The following SLC9A8 variants were observed in gnomAD, a reference collection of about 807,000 sequenced individuals.
The protein encoded by SLC9A8 is sodium/hydrogen exchanger 8.
A neutral mutation model predicts 66.6 loss-of-function variants in SLC9A8; 48 were observed. The observed-to-expected ratio is 0.72, with a 90% CI of 0.57 to 0.92. The LOEUF (loss-of-function observed/expected upper bound fraction) is 0.92. Among genes scored for constraint, SLC9A8 ranks in the 40% least tolerant of loss-of-function variants. The pLI is 0.00. For synonymous variants in SLC9A8, 274 were observed against 282.6 expected, an observed-to-expected ratio of 0.97 and a Z score of 0.31; for missense variants, 599 against 747.3, an observed-to-expected ratio of 0.80 and a Z score of 2.31.
At chr20:49,816,450 T>G (rs572669131) in intron 2 of SLC9A8, among the ~76,000 whole-genome samples, 3 of 151,422 alleles carry the variant, frequency 2.0e-5, no homozygotes, top group Non-Finnish European at 4.4e-5. Context: ...ACCAAAAAAC[T>G]AATTTTGTTC....
chr20:49,866,901 C>T (rs182525834), intron 10 of SLC9A8, among the ~76,000 whole-genome samples: 1 of 152,254 alleles, frequency 6.6e-6, no homozygotes, highest in East Asian at 1.9e-4. Flanking sequence ...TCCTACCCAG[C>T]GTATTTCTCA....
intron 3 of SLC9A8, among the ~76,000 whole-genome samples, chr20:49,826,478 C>T (rs1033591903): frequency 2.6e-5 from 4 of 152,190 alleles, no homozygotes; most frequent in Non-Finnish European, 5.9e-5. Context: ...CGAGACATTA[C>T]TGGTCTTTTG....
At chr20:49,815,885 C>T (rs1403177178) in intron 2 of SLC9A8, among the ~76,000 whole-genome samples, 2 of 152,046 alleles carry the variant, frequency 1.3e-5, no homozygotes, top group Non-Finnish European at 2.9e-5. Context: ...TATCTGACCC[C>T]CTGCTCCTGG....
intron 2 of SLC9A8, among the ~76,000 whole-genome samples, chr20:49,818,499 T>TA (rs1406297759): frequency 6.0e-5 from 9 of 148,904 alleles, no homozygotes; most frequent in African/African-American, 7.4e-5. Context: ...TTTTTTTTTT[T>TA]TTTCCCCCTG....
intron 3 of SLC9A8, among the ~76,000 whole-genome samples, chr20:49,833,294 C>CTAGGTTAAATCTTTAAAAGGTT (rs1479035756): frequency 2.2e-4 from 34 of 152,132 alleles, no homozygotes; most frequent in Non-Finnish European, 2.5e-4. Flanking sequence ...CTTTAAATGG[C>CTAGGTTAAATCTTTAAAAGGTT]AAATCTAGGT....
chr20:49,882,848 C>T (rs2146761261), intron 13 of SLC9A8, among the ~76,000 whole-genome samples: 1 of 152,340 alleles, frequency 6.6e-6, no homozygotes, highest in Admixed American at 6.5e-5. Context: ...CCCTTGTCCT[C>T]ACCATGTCTC....
chr20:49,838,071 CAA>C (rs780484191), intron 3 of SLC9A8, among the ~76,000 whole-genome samples: 7 of 144,674 alleles, frequency 4.8e-5, no homozygotes, highest in African/African-American at 1.5e-4. Flanking sequence ...CACACACACA[CAA>C]ACACTCACAC....
intron 3 of SLC9A8, among the ~76,000 whole-genome samples, chr20:49,837,322 G>C (rs571991956): frequency 6.6e-6 from 1 of 152,138 alleles, no homozygotes; most frequent in South Asian, 2.1e-4. Context: ...ACCTCCTGAG[G>C]CTGTGTCAAG....
chr20:49,836,834 C>T (rs1021415235), intron 3 of SLC9A8, among the ~76,000 whole-genome samples: 2 of 152,132 alleles, frequency 1.3e-5, no homozygotes, highest in African/African-American at 4.8e-5. Flanking sequence ...TATATCCTTG[C>T]CAACACTTAT....
At chr20:49,871,442 G>A (rs548533442) in intron 10 of SLC9A8, among the ~76,000 whole-genome samples, 2 of 152,134 alleles carry the variant, frequency 1.3e-5, no homozygotes, top group Non-Finnish European at 2.9e-5. Context: ...TTTCTTAAAC[G>A]ATTTTGCCTA....
chr20:49,840,617 T>G (rs902582269), intron 4 of SLC9A8, among the ~76,000 whole-genome samples: 3 of 152,182 alleles, frequency 2.0e-5, no homozygotes, highest in Non-Finnish European at 2.9e-5. Context: ...TATATTGAGC[T>G]CTGGAGAGTG....
chr20:49,835,617 C>T (rs1054564431), intron 3 of SLC9A8, among the ~76,000 whole-genome samples: 4 of 149,760 alleles, frequency 2.7e-5, no homozygotes, highest in South Asian at 2.1e-4. Flanking sequence ...ATCATACAAT[C>T]GGTGGTACTT....
intron 14 of SLC9A8, among the ~76,000 whole-genome samples, chr20:49,884,631 G>A (rs1278692931): frequency 6.6e-6 from 1 of 151,948 alleles, no homozygotes; most frequent in Admixed American, 6.5e-5. Context: ...ACCTGTTGGG[G>A]GCCTGAGGAG....
In SLC9A8 at chr20:49,886,550, T is replaced by C. The variant is rs944074487; in HGVS notation, c.1492-202T>C. On this transcript the variant is annotated intron_variant, in intron 14 of 15. Coordinates refer to ENST00000361573, the MANE Select transcript of SLC9A8 (RefSeq NM_015266.3). The surrounding 1 kb of genome is among the most constrained non-coding windows in gnomAD (Gnocchi z 4.8). ...GTTTTAGCTGTCCTAGGTGGGGTCCTGGGCATCCATTGTGCCCTGATGGAC... is the reference window on the plus strand; with the variant it reads ...GTTTTAGCTGTCCTAGGTGGGGTCCCGGGCATCCATTGTGCCCTGATGGAC... 2.3e-5 allele frequency: 13 copies of C among 568,464 alleles called. No homozygotes were observed. Among genetic ancestry groups the C allele is most frequent in the African/African-American group, 2.3e-4 (12 of 52,834 alleles). The allele number at this position is 568,464 out of a possible 1,614,324, so 35.2% of individuals were successfully genotyped here.
chr20:49,859,463 C>G (rs1213659511), intron 8 of SLC9A8, among the ~76,000 whole-genome samples: 1 of 147,534 alleles, frequency 6.8e-6, no homozygotes, highest in Non-Finnish European at 1.5e-5. Context: ...GTCAGACTTA[C>G]CCCCGCCTCC....
rs554150467 is a variant in SLC9A8 at position 49,839,562 on chromosome 20, T to C, written c.311T>C (p.Ile104Thr). The change falls in exon 4 of 16, where the codon ATA (isoleucine) becomes ACA (threonine). Residue 104 changes from isoleucine (I) to threonine (T), a missense_variant. This residue lies in a region of SLC9A8 where 467 missense variants were observed against 626.5 expected (regional missense o/e 0.75). Coordinates refer to ENST00000361573, the MANE Select transcript of SLC9A8 (RefSeq NM_015266.3). ...GTAGGTATTCTCATGGGAGCAGTTA[T>C]AAAAATTATAGAGTTTAAAAAACTG... ...VSLGILMGAV[I>T]KIIEFKKLAN... 3.8e-6 allele frequency: 6 copies of C among 1,597,480 alleles called. No homozygotes were observed. The East Asian group carries it at 6.7e-5, about 18-fold the overall frequency.
intron 4 of SLC9A8, among the ~76,000 whole-genome samples, chr20:49,842,286 T>G (rs1276580749): frequency 6.6e-6 from 1 of 151,956 alleles, no homozygotes; most frequent in Non-Finnish European, 1.5e-5. Flanking sequence ...GCCAGGCTGG[T>G]CTCGAGCTCC....
chr20:49,849,499 G>C (rs978452534), intron 5 of SLC9A8, 80 bp from the exon 6 acceptor site: 2 of 1,056,044 alleles, frequency 1.9e-6, no homozygotes, highest in Non-Finnish European at 2.9e-6. Flanking sequence ...TCTGCACGGA[G>C]GGCCAGGTGT....
chr20:49,849,592 A>T lies in SLC9A8; in HGVS notation c.446A>T (p.Gln149Leu). ...GYSLHKGNFF[Q>L]NIGSITLFAV... ...TCTTTCAAACAGGGTAACTTCTTTC[A>T]AAATATTGGTTCCATCACCCTGTTT... Residue 149 changes from glutamine to leucine, a missense_variant, in exon 6 of 16, where the codon CAA becomes CTA. Physicochemically the swap from Gln to Leu is moderately radical, Grantham distance 113 (BLOSUM62 -2). Around this residue, in one of 2 missense-constraint regions of SLC9A8, gnomAD observed 467 missense variants for 626.5 expected, o/e 0.75. Coordinates refer to ENST00000361573, the MANE Select transcript of SLC9A8 (RefSeq NM_015266.3). 6.2e-7 allele frequency: 1 copy of T among 1,613,380 alleles called. No homozygotes were observed.
Sources: allele counts gnomAD v4.1 joint callset (sites outside exome capture counted in the v4.1 genomes callset), GRCh38; gene constraint gnomAD v4.1.1; regional missense constraint gnomAD v4.1.1; non-coding constraint Gnocchi (gnomAD v3.1); transcripts MANE v1.5; gene names NCBI Gene and HGNC (gene_info 2026-07-23, HGNC 2026-07-21).